The following TAFA2 variants were observed in gnomAD, a reference collection of about 807,000 sequenced individuals.
TAFA2 encodes the protein chemokine-like protein TAFA-2.
In TAFA2, 7 loss-of-function variants were observed where a neutral mutation model predicts 18.8. That is an observed-to-expected ratio of 0.37 (90% CI 0.21 to 0.70). The LOEUF is 0.70. TAFA2 is among the 30% of genes least tolerant of loss of function. TAFA2 has a pLI of 0.53. For missense variants in TAFA2, 122 were observed against 158.1 expected (o/e 0.77, Z 1.23); for synonymous variants, 60 against 54.2 (o/e 1.11, Z -0.47).
At chr12:61,988,259 A>G (rs1458629179) in intron 1 of TAFA2, among the ~76,000 whole-genome samples, 1 of 152,112 alleles carries the variant, frequency 6.6e-6, no homozygotes, top group African/African-American at 2.4e-5. Context: ...TCACTTCCCA[A>G]TAGAATTTAA....
chr12:61,955,599 TCAAAAAAAAAAAAAAAA>T, intron 1 of TAFA2, among the ~76,000 whole-genome samples: 1 of 24,160 alleles, frequency 4.1e-5, no homozygotes, highest in African/African-American at 2.6e-4. Flanking sequence ...AGACTCCATC[TCAAAAAAAAAAAAAAAA>T]AAAAAAAAAA....
intron 1 of TAFA2, among the ~76,000 whole-genome samples, chr12:61,872,649 A>G (rs559996041): frequency 6.6e-6 from 1 of 152,196 alleles, no homozygotes; most frequent in South Asian, 2.1e-4. Flanking sequence ...TTCATTTCAC[A>G]TCCCTGTACC....
At chr12:62,111,920 A>T (rs1869750413) in intron 1 of TAFA2, among the ~76,000 whole-genome samples, 1 of 152,118 alleles carries the variant, frequency 6.6e-6, no homozygotes, top group African/African-American at 2.4e-5. Context: ...CAGAACACTG[A>T]TGTGTCTTGA....
At chr12:61,927,003 G>A (rs961858652) in intron 1 of TAFA2, among the ~76,000 whole-genome samples, 7 of 150,474 alleles carry the variant, frequency 4.7e-5, no homozygotes, top group African/African-American at 1.5e-4. Flanking sequence ...TGAACCCAGG[G>A]GGCGGAGGTT....
chr12:62,054,540 G>A (rs1305654507), intron 1 of TAFA2, among the ~76,000 whole-genome samples: 8 of 152,256 alleles, frequency 5.3e-5, no homozygotes, highest in Admixed American at 1.3e-4. Context: ...GAAAGGGAAG[G>A]TATATTTTAA....
intron 1 of TAFA2, among the ~76,000 whole-genome samples, chr12:61,931,886 T>G (rs1877570209): frequency 6.6e-6 from 1 of 152,206 alleles, no homozygotes; most frequent in African/African-American, 2.4e-5. Context: ...AAATTCTATA[T>G]ACAGGGCTCT....
chr12:61,954,544 C>G (rs1878585222), intron 1 of TAFA2, among the ~76,000 whole-genome samples: 1 of 151,670 alleles, frequency 6.6e-6, no homozygotes. Flanking sequence ...ACACAAAACA[C>G]ACACACACAC....
At chr12:61,780,475 A>C (rs1217539484) in intron 2 of TAFA2, among the ~76,000 whole-genome samples, 3 of 151,844 alleles carry the variant, frequency 2.0e-5, no homozygotes, top group Non-Finnish European at 4.4e-5. Context: ...TTTACTTTAG[A>C]AAACTTGTAA....
At position 61,880,089 on chromosome 12, in the gene TAFA2, T is replaced by G. The variant is rs1390307339; in HGVS notation, c.-1-12663A>C. On this transcript the variant is annotated intron_variant, in intron 1 of 4. Coordinates refer to ENST00000416284, the MANE Select transcript of TAFA2 (RefSeq NM_178539.5). ...ATAGACAGCAGCCACTCCCTGGACA[T>G]GGACAACATCATCACTGAGGTCAAG... 3 of 641,798 alleles carry G rather than the reference T, an allele frequency of 4.7e-6. No individual in the cohort carries two copies. The Admixed American group carries it at 6.5e-5, about 14-fold the overall frequency. 39.8% of individuals were successfully genotyped at this position (641,798 alleles called of 1,614,324 possible).
At chr12:61,937,909 A>C (rs905279944) in intron 1 of TAFA2, among the ~76,000 whole-genome samples, 47 of 152,280 alleles carry the variant, frequency 3.1e-4, no homozygotes, top group African/African-American at 1.1e-3. Flanking sequence ...GCCTCTGACA[A>C]AGAATTGATA....
intron 4 of TAFA2, among the ~76,000 whole-genome samples, chr12:61,722,520 A>G (rs941852308): frequency 6.6e-6 from 1 of 152,200 alleles, no homozygotes; most frequent in South Asian, 2.1e-4. Flanking sequence ...AAGATAAATG[A>G]TAAAGACTGA....
chr12:61,731,374 C>T (rs1870441920), intron 4 of TAFA2, among the ~76,000 whole-genome samples: 1 of 152,076 alleles, frequency 6.6e-6, no homozygotes, highest in Non-Finnish European at 1.5e-5. Context: ...ATGTTAGTCT[C>T]CACACGCTGT....
intron 1 of TAFA2, among the ~76,000 whole-genome samples, chr12:61,968,657 C>G (rs1879146568): frequency 6.6e-6 from 1 of 151,722 alleles, no homozygotes; most frequent in Non-Finnish European, 1.5e-5. Context: ...TTACTCTGTT[C>G]TAGTCACTGT....
At chr12:61,766,060 T>C (rs1869777094) in intron 2 of TAFA2, among the ~76,000 whole-genome samples, 2 of 152,098 alleles carry the variant, frequency 1.3e-5, no homozygotes, top group Admixed American at 1.3e-4. Context: ...ACAACTTCAC[T>C]TCTACTGATT....
chr12:62,069,545 G>GA (rs1359254448), intron 1 of TAFA2, among the ~76,000 whole-genome samples: 2 of 152,216 alleles, frequency 1.3e-5, no homozygotes, highest in Non-Finnish European at 2.9e-5. Context: ...AATGGTACAT[G>GA]AAAAATGGAC....
intron 1 of TAFA2, among the ~76,000 whole-genome samples, chr12:62,131,904 A>C (rs913107040): frequency 6.6e-6 from 1 of 151,910 alleles, no homozygotes; most frequent in Non-Finnish European, 1.5e-5. Flanking sequence ...TTTCACTAGA[A>C]ATTTAGTATT....
intron 1 of TAFA2, among the ~76,000 whole-genome samples, chr12:62,230,301 G>C (rs111475272): frequency 6.6e-6 from 1 of 151,474 alleles, no homozygotes; most frequent in African/African-American, 2.4e-5. Flanking sequence ...TGCATCATTA[G>C]GTTGGTTATC....
intron 1 of TAFA2, among the ~76,000 whole-genome samples, chr12:61,935,141 A>G (rs1312580977): frequency 6.6e-6 from 1 of 152,176 alleles, no homozygotes; most frequent in Non-Finnish European, 1.5e-5. Flanking sequence ...ATATCCTTAC[A>G]CTAAGAATGT....
intron 1 of TAFA2, among the ~76,000 whole-genome samples, chr12:62,046,789 C>T (rs1881920246): frequency 6.6e-6 from 1 of 152,082 alleles, no homozygotes; most frequent in South Asian, 2.1e-4. Context: ...GGTTATTTGA[C>T]AGATTACTTC....
Sources: gnomAD v4.1 joint callset for allele counts (sites outside exome capture counted in the v4.1 genomes callset) on GRCh38, gnomAD v4.1.1 for gene constraint, MANE v1.5 for transcripts, NCBI Gene and HGNC (gene_info 2026-07-23, HGNC 2026-07-21) for gene names.